PPARGC1A: variants seen among roughly 807,000 people sequenced by gnomAD.
The protein encoded by PPARGC1A is PPARG coactivator 1 alpha.
Under a neutral mutation model 88.7 loss-of-function variants are expected in PPARGC1A, and 25 were observed. That is an observed-to-expected ratio of 0.28 (90% CI 0.21 to 0.39). The LOEUF is 0.39. PPARGC1A is among the 10% of genes least tolerant of loss of function. The pLI, the probability that PPARGC1A is intolerant of heterozygous loss-of-function variation, is 1.00. For synonymous variants in PPARGC1A, 363 were observed against 355.6 expected, an observed-to-expected ratio of 1.02 and a Z score of -0.24; for missense variants, 880 against 968.7, an observed-to-expected ratio of 0.91 and a Z score of 1.22.
At chr4:24,096,367 GA>G in the PPARGC1A span, among the ~76,000 whole-genome samples, 1 of 152,114 alleles carries the variant, frequency 6.6e-6, no homozygotes, top group African/African-American at 2.4e-5. Context: ...TACAAGGCAT[GA>G]AATAGATTCT....
chr4:24,399,679 T>C, the PPARGC1A span, among the ~76,000 whole-genome samples: 1 of 152,104 alleles, frequency 6.6e-6, no homozygotes, highest in African/African-American at 2.4e-5. Flanking sequence ...ATACGAACAC[T>C]CATTTCCACC....
the PPARGC1A span, among the ~76,000 whole-genome samples, chr4:24,360,599 C>T: frequency 2.0e-5 from 3 of 152,214 alleles, no homozygotes; most frequent in South Asian, 6.2e-4. Flanking sequence ...GCACTTAGAA[C>T]AGTACCTGGC....
chr4:24,067,713 G>T, the PPARGC1A span, among the ~76,000 whole-genome samples: 1 of 152,186 alleles, frequency 6.6e-6, no homozygotes, highest in Non-Finnish European at 1.5e-5. Context: ...AAGGGGTCCA[G>T]GATGGTTTGT....
the PPARGC1A span, among the ~76,000 whole-genome samples, chr4:24,256,217 AT>A: frequency 6.6e-6 from 1 of 152,000 alleles, no homozygotes; most frequent in Non-Finnish European, 1.5e-5. Flanking sequence ...TTCCCTACTT[AT>A]TTTGTGGGGA....
chr4:24,436,324 C>G, the PPARGC1A span, among the ~76,000 whole-genome samples: 1 of 152,250 alleles, frequency 6.6e-6, no homozygotes, highest in Non-Finnish European at 1.5e-5. Flanking sequence ...GATTTTTCCA[C>G]TGCCTCAGGC....
chr4:24,369,762 G>A, the PPARGC1A span, among the ~76,000 whole-genome samples: 12 of 152,202 alleles, frequency 7.9e-5, no homozygotes, highest in Non-Finnish European at 1.8e-4. Flanking sequence ...AGGCACAACT[G>A]CCCCATCAAC....
the PPARGC1A span, among the ~76,000 whole-genome samples, chr4:24,218,787 T>C: frequency 6.6e-6 from 1 of 152,232 alleles, no homozygotes; most frequent in Non-Finnish European, 1.5e-5. Flanking sequence ...AATGTGCCTC[T>C]TGAGATGATC....
the PPARGC1A span, among the ~76,000 whole-genome samples, chr4:24,265,335 A>G: frequency 6.6e-6 from 1 of 152,130 alleles, no homozygotes; most frequent in Non-Finnish European, 1.5e-5. Flanking sequence ...TTATTCTGGG[A>G]CCACAGTGCA....
At chr4:23,859,893 T>A (rs966411555) in intron 2 of PPARGC1A, among the ~76,000 whole-genome samples, 2 of 151,288 alleles carry the variant, frequency 1.3e-5, no homozygotes, top group Admixed American at 1.3e-4. Flanking sequence ...TGTAGCCTGG[T>A]CAATAAGGAA....
the PPARGC1A span, among the ~76,000 whole-genome samples, chr4:24,033,377 AG>A: frequency 4.7e-5 from 7 of 150,356 alleles, no homozygotes; most frequent in African/African-American, 1.5e-4. Flanking sequence ...AGGAGATAGA[AG>A]GGATAAACAG....
chr4:24,099,150 A>C, the PPARGC1A span, among the ~76,000 whole-genome samples: 1 of 150,486 alleles, frequency 6.6e-6, no homozygotes, highest in Admixed American at 6.6e-5. Context: ...TGAAGTCATA[A>C]GCCCCCAGAA....
chr4:23,886,271 T>C (rs1483995117), intron 1 of PPARGC1A, among the ~76,000 whole-genome samples: 1 of 152,178 alleles, frequency 6.6e-6, no homozygotes, highest in Non-Finnish European at 1.5e-5. Flanking sequence ...CATTTACATT[T>C]TGAATGAAAT....
At chr4:24,162,752 C>A in the PPARGC1A span, among the ~76,000 whole-genome samples, 1 of 151,854 alleles carries the variant, frequency 6.6e-6, no homozygotes, top group Non-Finnish European at 1.5e-5. Flanking sequence ...CAACCATGCC[C>A]ATCTAATTTT....
chr4:24,076,511 G>A, the PPARGC1A span, among the ~76,000 whole-genome samples: 1 of 152,128 alleles, frequency 6.6e-6, no homozygotes, highest in Non-Finnish European at 1.5e-5. Flanking sequence ...TTTCTATTGA[G>A]TCATTCAACA....
intron 2 of PPARGC1A, among the ~76,000 whole-genome samples, chr4:23,878,986 TGTAA>T (rs1254266788): frequency 6.6e-6 from 1 of 152,234 alleles, no homozygotes. Context: ...CTATGTTCTC[TGTAA>T]GTGTCATTAC....
At chr4:23,955,821 A>G in the PPARGC1A span, among the ~76,000 whole-genome samples, 2 of 152,062 alleles carry the variant, frequency 1.3e-5, no homozygotes, top group Non-Finnish European at 2.9e-5. Context: ...TTAAGTAACT[A>G]ATTACATATT....
At chr4:24,004,943 G>A in the PPARGC1A span, among the ~76,000 whole-genome samples, 3 of 152,144 alleles carry the variant, frequency 2.0e-5, no homozygotes, top group East Asian at 3.9e-4. Flanking sequence ...AGGTACGCAA[G>A]AAATGTTCAT....
chr4:24,253,619 G>A, the PPARGC1A span, among the ~76,000 whole-genome samples: 1 of 152,166 alleles, frequency 6.6e-6, no homozygotes, highest in African/African-American at 2.4e-5. Context: ...CATTCAACAG[G>A]GCCTGGGCCA....
At chr4:24,351,487 A>G in the PPARGC1A span, among the ~76,000 whole-genome samples, 12 of 152,132 alleles carry the variant, frequency 7.9e-5, no homozygotes, top group Non-Finnish European at 1.5e-4. Flanking sequence ...TCCGAGCAGA[A>G]GAGTGATTTG....
Sources: allele counts gnomAD v4.1 joint callset (sites outside exome capture counted in the v4.1 genomes callset), GRCh38; gene constraint gnomAD v4.1.1; transcripts MANE v1.5; gene names NCBI Gene and HGNC (gene_info 2026-07-23, HGNC 2026-07-21).